The following ORMDL1 variants were observed in gnomAD, a reference collection of about 807,000 sequenced individuals.
ORMDL1 encodes the protein ORM1-like protein 1.
In ORMDL1, 10 loss-of-function variants were observed where a neutral mutation model predicts 13.0. That is an observed-to-expected ratio of 0.77 (90% CI 0.47 to 1.30). The LOEUF is 1.30. ORMDL1 is among the 50% of genes most tolerant of loss of function. The probability of loss-of-function intolerance (pLI) is 0.00; values close to 1 mark genes in which losing one functional copy is unlikely to be tolerated. For synonymous variants in ORMDL1, 61 were observed against 63.9 expected, an observed-to-expected ratio of 0.95 and a Z score of 0.22; for missense variants, 171 against 186.7, an observed-to-expected ratio of 0.92 and a Z score of 0.49.
chr2:189,782,011 C>T (rs868050566), intron 3 of ORMDL1, among the ~76,000 whole-genome samples: 22 of 151,196 alleles, frequency 1.5e-4, no homozygotes, highest in Non-Finnish European at 2.1e-4. Flanking sequence ...GGAATGATCT[C>T]GGCTCATTGC....
chr2:189,779,440 G>A (rs993050356), intron 3 of ORMDL1, among the ~76,000 whole-genome samples: 1 of 152,174 alleles, frequency 6.6e-6, no homozygotes, highest in Non-Finnish European at 1.5e-5. Context: ...CTTGGTCCAG[G>A]TGAAAAGAAA....
At chr2:189,768,543 G>T (rs917803802), downstream of ORMDL1, among the ~76,000 whole-genome samples, 6 of 152,210 alleles carry the variant, frequency 3.9e-5, no homozygotes, top group African/African-American at 1.4e-4. Flanking sequence ...GAGTTCTATA[G>T]GAAAAATGTC....
chr2:189,780,330 G>C (rs2047795646), intron 3 of ORMDL1, among the ~76,000 whole-genome samples: 2 of 152,144 alleles, frequency 1.3e-5, no homozygotes, highest in South Asian at 4.1e-4. Flanking sequence ...TTCTGATTAG[G>C]GATGCTCAAC....
chr2:189,766,718 C>T (rs1247454106), downstream of ORMDL1, among the ~76,000 whole-genome samples: 3 of 66,004 alleles, frequency 4.5e-5, no homozygotes, highest in South Asian at 2.1e-3. Flanking sequence ...AAGGAGACTC[C>T]CGTCTCAAAA....
At chr2:189,780,995 C>A (rs1341827002) in intron 3 of ORMDL1, among the ~76,000 whole-genome samples, 1 of 152,142 alleles carries the variant, frequency 6.6e-6, no homozygotes, top group Non-Finnish European at 1.5e-5. Flanking sequence ...CTCACTGCAA[C>A]CTCCACCTCC....
downstream of ORMDL1, among the ~76,000 whole-genome samples, chr2:189,769,864 T>A (rs756289010): frequency 3.3e-4 from 50 of 152,338 alleles, no homozygotes; most frequent in Middle Eastern, 3.4e-3. Context: ...TTTGTGGCAT[T>A]TCTAAGCTCA....
downstream of ORMDL1, among the ~76,000 whole-genome samples, chr2:189,768,961 T>C (rs1451518982): frequency 6.6e-6 from 1 of 152,206 alleles, no homozygotes; most frequent in Non-Finnish European, 1.5e-5. Flanking sequence ...GATTAGATTT[T>C]TGACTCGATA....
chr2:189,767,096 C>T (rs1422919146), downstream of ORMDL1, among the ~76,000 whole-genome samples: 1 of 152,156 alleles, frequency 6.6e-6, no homozygotes, highest in Non-Finnish European at 1.5e-5. Flanking sequence ...CAAGTTCCTG[C>T]TTTTACTTCT....
intron 3 of ORMDL1, among the ~76,000 whole-genome samples, chr2:189,777,141 C>T (rs1346171119): frequency 2.0e-5 from 3 of 152,068 alleles, no homozygotes; most frequent in African/African-American, 7.2e-5. Context: ...ATTGAAAATA[C>T]GATTACAGTA....
At chr2:189,783,688 A>G (rs1416685059) in intron 1 of ORMDL1, 5 of 152,184 alleles carry the variant, frequency 3.3e-5, no homozygotes, top group South Asian at 2.1e-4. Context: ...CATACATTAA[A>G]CTATTATGTC....
rs766398275 is a variant in ORMDL1, at chr2:189,784,031, G to A, written c.-118+238C>T. On this transcript the variant is annotated intron_variant, in intron 1 of 4. Transcript: ENST00000392349. ...AAGCCGCCGCTGCTACCACCTCAGC[G>A]CCTCCCCCAACCCGCCCCTTCCTTC... 120 of 152,730 alleles carry A rather than the reference G, an allele frequency of 7.9e-4. 1 individual carries two copies. The highest frequency in any genetic ancestry group is 2.2e-4 in the Non-Finnish European group (15 of 68,548). The allele number at this position is 152,730 out of a possible 1,614,324, so 9.5% of individuals were successfully genotyped here.
At chr2:189,777,849 G>T (rs893681312) in intron 3 of ORMDL1, among the ~76,000 whole-genome samples, 2 of 152,096 alleles carry the variant, frequency 1.3e-5, no homozygotes, top group South Asian at 4.1e-4. Flanking sequence ...TTTTCTAACC[G>T]GGTGTAACAA....
chr2:189,772,034 AAAAC>A, intron 4 of ORMDL1, 132 bp from the exon 5 acceptor site: 1 of 700,764 alleles, frequency 1.4e-6, no homozygotes, highest in South Asian at 3.0e-5. Context: ...TTTGAGCACT[AAAAC>A]AAGAGGAATC....
At position 189,771,665 on chromosome 2, in the gene ORMDL1, C is replaced by T. The variant is rs1319546512; in HGVS notation, c.*102G>A. On this transcript the variant is annotated 3_prime_UTR_variant, in exon 5 of 5. Transcript: ENST00000392349. Reference sequence around the variant, plus strand: ...AGCCATTGGCCCTCCAATGTAAATACTTCTCATTTCACATTATCACAGAAA... The same window carrying T: ...AGCCATTGGCCCTCCAATGTAAATATTTCTCATTTCACATTATCACAGAAA... The T allele has an allele frequency of 9.3e-6, 10 of 1,069,568 alleles. No homozygotes were observed. The highest frequency in any genetic ancestry group is 1.6e-5 in the African/African-American group (1 of 60,876). 66.3% of individuals were successfully genotyped at this position (1,069,568 alleles called of 1,614,324 possible). A position where few individuals can be genotyped will look rare whatever the true frequency, so the allele number is the denominator to read the frequency against.
downstream of ORMDL1, chr2:189,770,247 C>A (rs145349850): frequency 6.6e-6 from 1 of 151,978 alleles, no homozygotes; most frequent in African/African-American, 2.4e-5. Flanking sequence ...TTTAATTTTA[C>A]GAATTCAGTT....
chr2:189,781,855 A>G (rs2047844421), intron 3 of ORMDL1, among the ~76,000 whole-genome samples: 1 of 152,180 alleles, frequency 6.6e-6, no homozygotes, highest in African/African-American at 2.4e-5. Flanking sequence ...AAAGCTGTTA[A>G]AAAAACTAAG....
downstream of ORMDL1, among the ~76,000 whole-genome samples, chr2:189,770,110 A>AT (rs1386284753): frequency 3.3e-5 from 5 of 152,200 alleles, no homozygotes; most frequent in Non-Finnish European, 5.9e-5. Flanking sequence ...TTTTTAAAAC[A>AT]TTGACGGGAG....
intron 4 of ORMDL1, among the ~76,000 whole-genome samples, chr2:189,773,722 C>CAA (rs56366510): frequency 7.8e-5 from 5 of 64,316 alleles, no homozygotes; most frequent in Non-Finnish European, 1.1e-4. Context: ...ACTCTTGTCT[C>CAA]AAAAAAAAAA....
At chr2:189,778,231 C>T (rs552485725) in intron 3 of ORMDL1, 1 of 397,298 alleles carries the variant, frequency 2.5e-6, no homozygotes, top group Non-Finnish European at 5.0e-6. Flanking sequence ...CCTGTCTGTA[C>T]TAAAAATACA....
Sources: gnomAD v4.1 joint callset for allele counts (sites outside exome capture counted in the v4.1 genomes callset) on GRCh38, gnomAD v4.1.1 for gene constraint, MANE v1.5 for transcripts, NCBI Gene and HGNC (gene_info 2026-07-23, HGNC 2026-07-21) for gene names.